The following WDR7 variants were observed in gnomAD, a reference collection of about 807,000 sequenced individuals.
WDR7 encodes WD repeat-containing protein 7.
WDR7 carries 46 observed loss-of-function variants against 169.4 expected under a neutral mutation model. That is an observed-to-expected ratio of 0.27 (90% CI 0.21 to 0.35). WDR7 has a LOEUF of 0.35. Among genes scored for constraint, WDR7 ranks in the 10% least tolerant of loss-of-function variants. The pLI, the probability that WDR7 is intolerant of heterozygous loss-of-function variation, is 1.00. For synonymous variants in WDR7, 612 were observed against 666.8 expected, an observed-to-expected ratio of 0.92 and a Z score of 1.27; for missense variants, 1,534 against 1,859.3, an observed-to-expected ratio of 0.83 and a Z score of 3.22.
chr18:56,928,057 G>A (rs1338844358), intron 22 of WDR7, among the ~76,000 whole-genome samples: 1 of 152,146 alleles, frequency 6.6e-6, no homozygotes, highest in Non-Finnish European at 1.5e-5. Context: ...GAAAGAAAGG[G>A]GTAGGAAAGC....
At position 56,982,914 on chromosome 18, in the gene WDR7, A is replaced by G. The variant is rs180975199; in HGVS notation, c.4164+20385A>G. On this transcript the variant is annotated intron_variant, in intron 26 of 27. Transcript: ENST00000254442. The stretch of plus-strand genomic sequence containing the variant: ...CATCTAAAATCTATGTCTGTCTTGG[A>G]GTATTTCACTGCCTTGGCAGTTTCC... Among the ~76,000 whole-genome samples the G allele has an allele frequency of 4.2e-4, 64 of 152,338 alleles. 1 individual carries two copies. The highest frequency in any genetic ancestry group is 8.7e-4 in the Non-Finnish European group (59 of 68,022).
chr18:56,986,659 A>G (rs1209232639), intron 26 of WDR7, among the ~76,000 whole-genome samples: 53 of 152,090 alleles, frequency 3.5e-4, no homozygotes, highest in Admixed American at 6.6e-5. Context: ...ATTTTAATCT[A>G]GCTGCTTCTC....
At chr18:56,937,400 A>G (rs901538734) in intron 23 of WDR7, among the ~76,000 whole-genome samples, 1 of 144,376 alleles carries the variant, frequency 6.9e-6, no homozygotes, top group Admixed American at 6.6e-5. Context: ...ATAAATAAAA[A>G]TAAATGAAAC....
chr18:57,016,428 T>C (rs554181890), intron 26 of WDR7, among the ~76,000 whole-genome samples: 1 of 152,296 alleles, frequency 6.6e-6, no homozygotes, highest in Non-Finnish European at 1.5e-5. Flanking sequence ...GGATTTTGTG[T>C]TCCCCCTTAA....
In WDR7 at chr18:56,755,522, A is replaced by G. The variant is rs1046784961; in HGVS notation, c.1990-1061A>G. ...TGTCGTGACAGCGGGATAGGAAGAA[A>G]ACAGAATGATTTCCAGCTGATGAAT... On this transcript the variant is annotated intron_variant, in intron 14 of 27. Coordinates refer to ENST00000254442, the MANE Select transcript of WDR7 (RefSeq NM_015285.3). 2.4e-4 allele frequency among the ~76,000 whole-genome samples: 36 copies of G among 152,338 alleles called. 1 individual carries two copies. Among genetic ancestry groups the G allele is most frequent in the African/African-American group, 7.7e-4 (32 of 41,580 alleles).
At chr18:56,867,905 A>G (rs1417706664) in intron 20 of WDR7, among the ~76,000 whole-genome samples, 1 of 152,208 alleles carries the variant, frequency 6.6e-6, no homozygotes, top group Non-Finnish European at 1.5e-5. Context: ...AGGAAATCCT[A>G]TAAAGTAGTT....
At chr18:56,878,115 G>C (rs1163259244) in intron 20 of WDR7, among the ~76,000 whole-genome samples, 1 of 152,132 alleles carries the variant, frequency 6.6e-6, no homozygotes, top group Admixed American at 6.5e-5. Context: ...GCAAGAGTGA[G>C]GTTAAGAAAG....
At chr18:56,895,164 T>C (rs1274904367) in intron 21 of WDR7, among the ~76,000 whole-genome samples, 1 of 151,948 alleles carries the variant, frequency 6.6e-6, no homozygotes, top group Non-Finnish European at 1.5e-5. Flanking sequence ...TTATAAATAT[T>C]GAACAGCTTG....
At chr18:56,983,917 C>T (rs2047679029) in intron 26 of WDR7, among the ~76,000 whole-genome samples, 2 of 152,048 alleles carry the variant, frequency 1.3e-5, no homozygotes, top group South Asian at 4.1e-4. Context: ...TACACAATTG[C>T]AGTTTTTTCT....
intron 26 of WDR7, among the ~76,000 whole-genome samples, chr18:56,975,243 G>A (rs2047549845): frequency 6.6e-6 from 1 of 152,078 alleles, no homozygotes; most frequent in South Asian, 2.1e-4. Context: ...CTCGGGGGTA[G>A]TGGGGCAAAG....
intron 26 of WDR7, among the ~76,000 whole-genome samples, chr18:56,975,669 A>G (rs181582839): frequency 2.3e-4 from 35 of 152,238 alleles, no homozygotes; most frequent in Admixed American, 2.2e-3. Context: ...TTTTAATTCT[A>G]CCGTCTGTAA....
chr18:56,794,324 T>TTTTTTTTTTTTTTTTTTTTTA (rs1276556109), intron 19 of WDR7, among the ~76,000 whole-genome samples: 1 of 130,234 alleles, frequency 7.7e-6, no homozygotes. Context: ...TTTTTTTTTT[T>TTTTTTTTTTTTTTTTTTTTTA]TTTGAGACAG....
In WDR7 at chr18:56,967,165, G is replaced by GTCAT. The variant is rs2047419989; in HGVS notation, c.4164+4636_4164+4637insTCAT. Among the ~76,000 whole-genome samples, 91 of 152,156 alleles carry GTCAT rather than the reference G, an allele frequency of 6.0e-4. 1 individual carries two copies. Among genetic ancestry groups the GTCAT allele is most frequent in the African/African-American group, 2.1e-3 (85 of 41,432 alleles). ...TGTAGGTGCTAAGGCCAGGAGTTCAGCCTGCTCAATAGGGAGCGCTTGGGT... is the reference window on the plus strand; with the variant it reads ...TGTAGGTGCTAAGGCCAGGAGTTCAGTCATCCTGCTCAATAGGGAGCGCTTGGGT... On this transcript the variant is annotated intron_variant, in intron 26 of 27. Transcript: ENST00000254442.
intron 13 of WDR7, among the ~76,000 whole-genome samples, chr18:56,729,538 C>G (rs1301814656): frequency 6.6e-6 from 1 of 151,908 alleles, no homozygotes; most frequent in Non-Finnish European, 1.5e-5. Context: ...GGCTTTTATT[C>G]TATGTTAATA....
rs1020220351 is a variant in WDR7 at position 56,756,935 on chromosome 18, G to A, written c.2342G>A (p.Arg781Gln). Residue 781 changes from arginine (R) to glutamine (Q), a missense_variant, in exon 15 of 28, where the codon CGG becomes CAG. Arg to Gln is a conservative substitution (Grantham distance 43). Transcript: ENST00000254442. ...QRREESDPEYRSSKSKPLTLL... is the reference protein window; with the variant it reads ...QRREESDPEYQSSKSKPLTLL... ...AGGGAAGAAAGTGATCCTGAATATCGGTCCAGCAAATCAAAGCCATTGACC... is the reference window on the plus strand; with the variant it reads ...AGGGAAGAAAGTGATCCTGAATATCAGTCCAGCAAATCAAAGCCATTGACC... The A allele has an allele frequency of 9.9e-6, 16 of 1,613,908 alleles. No homozygotes were observed. Among genetic ancestry groups the A allele is most frequent in the Middle Eastern group, 1.6e-4 (1 of 6,084 alleles).
chr18:56,951,151 A>G (rs74529780), intron 25 of WDR7, among the ~76,000 whole-genome samples: 2,243 of 152,164 alleles, frequency 0.015, 16 homozygotes, highest in African/African-American at 0.026. Flanking sequence ...CCTCCTCGCC[A>G]TCACTCTCAC....
chr18:56,662,555 T>A (rs1212223804), intron 1 of WDR7, among the ~76,000 whole-genome samples: 1 of 152,224 alleles, frequency 6.6e-6, no homozygotes, highest in Non-Finnish European at 1.5e-5. Context: ...GACAATGTGA[T>A]GTTGTGTGCT....
chr18:56,911,895 T>C (rs970465885), intron 21 of WDR7, among the ~76,000 whole-genome samples: 40 of 152,246 alleles, frequency 2.6e-4, no homozygotes, highest in Non-Finnish European at 3.1e-4. Context: ...CTTTGGAGAA[T>C]GTCATTGTTT....
At chr18:56,682,205 A>G (rs2025362821) in intron 4 of WDR7, among the ~76,000 whole-genome samples, 1 of 152,202 alleles carries the variant, frequency 6.6e-6, no homozygotes. Context: ...TTTGAACATC[A>G]ATCATCCTTC....
Sources: allele counts gnomAD v4.1 joint callset (sites outside exome capture counted in the v4.1 genomes callset), GRCh38; gene constraint gnomAD v4.1.1; transcripts MANE v1.5; gene names NCBI Gene and HGNC (gene_info 2026-07-23, HGNC 2026-07-21).